The following KCNT2 variants were observed in gnomAD, a reference collection of about 807,000 sequenced individuals.
KCNT2 encodes the protein potassium sodium-activated channel subfamily T member 2.
KCNT2 carries 67 observed loss-of-function variants against 153.8 expected under a neutral mutation model. That is an observed-to-expected ratio of 0.44 (90% confidence interval 0.36 to 0.53). The LOEUF (loss-of-function observed/expected upper bound fraction) is 0.53. Among genes scored for constraint, KCNT2 ranks in the 20% least tolerant of loss-of-function variants. The pLI is 0.00. For synonymous variants in KCNT2, 500 were observed against 458.8 expected (o/e 1.09, Z -1.15); for missense variants, 975 against 1,354.8 (o/e 0.72, Z 4.40).
chr1:196,285,036 A>G lies in KCNT2; in HGVS notation c.2697+621T>C, dbSNP rs116433080. 2.0e-3 allele frequency among the ~76,000 whole-genome samples: 303 copies of G among 152,338 alleles called. 1 individual carries two copies. Among genetic ancestry groups the G allele is most frequent in the South Asian group, 4.1e-3 (20 of 4,832 alleles). On this transcript the variant is annotated intron_variant, in intron 23 of 27. Transcript: ENST00000294725. Reference sequence around the variant, plus strand: ...TTACTTGAATCAGAAAAAATGAGATATTACTGCTATTCAGTTTCTGGCAGA... The same window carrying G: ...TTACTTGAATCAGAAAAAATGAGATGTTACTGCTATTCAGTTTCTGGCAGA...
chr1:196,387,163 A>G (rs1458023634), intron 13 of KCNT2, among the ~76,000 whole-genome samples: 1 of 151,996 alleles, frequency 6.6e-6, no homozygotes, highest in Non-Finnish European at 1.5e-5. Context: ...CCACAAACCC[A>G]TCTTCTACCT....
chr1:196,513,598 A>G (rs563952362), intron 1 of KCNT2, among the ~76,000 whole-genome samples: 1 of 152,284 alleles, frequency 6.6e-6, no homozygotes, highest in East Asian at 1.9e-4. Flanking sequence ...TACGTTAACT[A>G]AGCTCTCTTT....
chr1:196,503,645 G>T (rs903920503), intron 1 of KCNT2, among the ~76,000 whole-genome samples: 7 of 152,188 alleles, frequency 4.6e-5, no homozygotes, highest in Non-Finnish European at 1.0e-4. Context: ...AATATGGGGA[G>T]AAATATATGT....
intron 1 of KCNT2, among the ~76,000 whole-genome samples, chr1:196,515,037 G>A (rs934765403): frequency 1.2e-4 from 19 of 152,216 alleles, no homozygotes; most frequent in African/African-American, 4.6e-4. Context: ...CTCTAATTTA[G>A]GAAAATTGTA....
intron 26 of KCNT2, among the ~76,000 whole-genome samples, chr1:196,241,668 C>G (rs995835469): frequency 6.6e-6 from 1 of 152,018 alleles, no homozygotes; most frequent in South Asian, 2.1e-4. Context: ...TATTCAACAT[C>G]ATATGAAACT....
chr1:196,306,578 C>G (rs1460088924), intron 21 of KCNT2, among the ~76,000 whole-genome samples: 1 of 152,076 alleles, frequency 6.6e-6, no homozygotes, highest in Non-Finnish European at 1.5e-5. Context: ...GTGTGCCCAC[C>G]CTACTGCTCT....
intron 12 of KCNT2, among the ~76,000 whole-genome samples, chr1:196,406,529 T>C (rs1313732764): frequency 6.6e-6 from 1 of 150,968 alleles, no homozygotes; most frequent in African/African-American, 2.4e-5. Context: ...TTAAACTATA[T>C]TACTCACCCA....
chr1:196,488,513 C>T (rs1389305676), intron 3 of KCNT2, among the ~76,000 whole-genome samples: 1 of 151,958 alleles, frequency 6.6e-6, no homozygotes, highest in African/African-American at 2.4e-5. Context: ...TTTTACTCTG[C>T]TAACACCCAC....
At position 196,263,223 on chromosome 1, in the gene KCNT2, G is replaced by A. The variant is rs562645296; in HGVS notation, c.2911-4729C>T. ...AAGCTCTGGGGTACGTGTGCAGAAC[G>A]TGCAGGTTTGTTACATAGGTATACA... is the stretch of plus-strand genomic sequence containing the variant. On this transcript the variant is annotated intron_variant, in intron 25 of 27. Transcript: ENST00000294725. Among the ~76,000 whole-genome samples, 31 of 150,500 alleles carry A rather than the reference G, an allele frequency of 2.1e-4. No homozygotes were observed. The South Asian group carries it at 6.1e-3, about 29-fold the overall frequency.
At chr1:196,497,826 G>C (rs1680376051) in intron 1 of KCNT2, among the ~76,000 whole-genome samples, 1 of 152,084 alleles carries the variant, frequency 6.6e-6, no homozygotes, top group African/African-American at 2.4e-5. Flanking sequence ...AGTTGTCTTT[G>C]TGACGGTAAA....
At chr1:196,421,246 GA>G (rs1023385699) in intron 12 of KCNT2, among the ~76,000 whole-genome samples, 2 of 151,120 alleles carry the variant, frequency 1.3e-5, no homozygotes, top group East Asian at 1.9e-4. Context: ...GTAGTGTCAG[GA>G]AAAAAAAGAG....
At chr1:196,557,342 C>G (rs1237316061) in intron 1 of KCNT2, among the ~76,000 whole-genome samples, 2 of 151,142 alleles carry the variant, frequency 1.3e-5, no homozygotes, top group Non-Finnish European at 3.0e-5. Context: ...AGGGATGGTA[C>G]AAAATTCAAC....
intron 1 of KCNT2, among the ~76,000 whole-genome samples, chr1:196,592,450 T>C (rs1663482054): frequency 6.8e-6 from 1 of 148,148 alleles, no homozygotes; most frequent in Non-Finnish European, 1.5e-5. Context: ...ATTCTAACTG[T>C]ATATTTATAT....
At chr1:196,342,015 A>G (rs758042772) in intron 15 of KCNT2, 64 bp downstream of exon 15, 79 of 1,519,738 alleles carry the variant, frequency 5.2e-5, no homozygotes, top group Non-Finnish European at 7.0e-5. Context: ...ATTTTTGAAA[A>G]CTATTTTCAC....
At chr1:196,378,626 C>G (rs979473450) in intron 13 of KCNT2, among the ~76,000 whole-genome samples, 1 of 150,504 alleles carries the variant, frequency 6.6e-6, no homozygotes, top group African/African-American at 2.4e-5. Context: ...ATAGTTCAAG[C>G]CTTTAGGCAC....
intron 13 of KCNT2, among the ~76,000 whole-genome samples, chr1:196,378,032 TAGAG>T (rs941386523): frequency 1.3e-4 from 20 of 152,044 alleles, no homozygotes; most frequent in Non-Finnish European, 2.8e-4. Context: ...TACTGACACA[TAGAG>T]AGGCCTAGAA....
intron 1 of KCNT2, among the ~76,000 whole-genome samples, chr1:196,495,145 T>C (rs1442654162): frequency 6.6e-6 from 1 of 152,156 alleles, no homozygotes; most frequent in Non-Finnish European, 1.5e-5. Context: ...TATTAAAACA[T>C]GAAATTATAC....
chr1:196,505,638 G>A (rs1558019112), intron 1 of KCNT2, among the ~76,000 whole-genome samples: 1 of 152,128 alleles, frequency 6.6e-6, no homozygotes, highest in Admixed American at 6.5e-5. Flanking sequence ...TTGGTAGCTT[G>A]ATGGGGATGG....
chr1:196,326,735 A>G lies in KCNT2; in HGVS notation c.2258T>C (p.Val753Ala). 6.5e-7 allele frequency: 1 copy of G among 1,539,086 alleles called. No homozygotes were observed. Among genetic ancestry groups the G allele is most frequent in the Non-Finnish European group, 8.7e-7 (1 of 1,148,590 alleles). ...TACTTACGGGTTATCCAATAGCAGT[A>G]CTATGGGATTAAGTTCTTTCTTTGG... Reference protein sequence around the residue: ...YRPKKELNPIVLLLDNPPDMH... With the variant: ...YRPKKELNPIALLLDNPPDMH... Residue 753 changes from valine to alanine, a missense_variant, in exon 19 of 28, where the codon GTA (valine) becomes GCA (alanine). Val to Ala is a moderately conservative substitution (Grantham distance 64). Coordinates refer to ENST00000294725, the MANE Select transcript of KCNT2 (RefSeq NM_198503.5).
Sources: allele counts gnomAD v4.1 joint callset (sites outside exome capture counted in the v4.1 genomes callset), GRCh38; gene constraint gnomAD v4.1.1; transcripts MANE v1.5; gene names NCBI Gene and HGNC (gene_info 2026-07-23, HGNC 2026-07-21).